Variants in BRCC3 observed in about 807,000 individuals in gnomAD.
BRCC3 encodes lys-63-specific deubiquitinase BRCC36.
BRCC3 carries 15 observed loss-of-function variants against 28.0 expected under a neutral mutation model. The observed-to-expected ratio is 0.54, with a 90% CI of 0.36 to 0.82. The LOEUF is 0.82. Ranked by LOEUF, BRCC3 falls within the 40% of genes least tolerant of loss-of-function variation. The pLI is 0.01. For synonymous variants in BRCC3, 66 were observed against 80.3 expected (o/e 0.82, Z 0.95); for missense variants, 109 against 225.9 (o/e 0.48, Z 3.32).
intron 7 of BRCC3, among the ~76,000 whole-genome samples, chrX:155,095,708 T>C (rs2084409): frequency 0.36 from 39,887 of 110,759 alleles, 6,058 homozygotes; most frequent in African/African-American, 0.58. Flanking sequence ...ACCACTCACT[T>C]AATTGCTCAC....
intron 5 of BRCC3, among the ~76,000 whole-genome samples, chrX:155,086,837 C>T (rs1303944377): frequency 1.8e-5 from 2 of 112,090 alleles, no homozygotes; most frequent in Non-Finnish European, 3.8e-5. Context: ...CGTTCTTATC[C>T]ATTATATCCC....
intron 1 of BRCC3, among the ~76,000 whole-genome samples, chrX:155,072,109 G>A (rs1428558150): frequency 2.7e-5 from 3 of 112,145 alleles, no homozygotes; most frequent in African/African-American, 9.7e-5. Context: ...AACAGAAGGT[G>A]CGGGGCTTGA....
At chrX:155,090,579 T>C (rs2074167547) in intron 6 of BRCC3, among the ~76,000 whole-genome samples, 1 of 112,109 alleles carries the variant, frequency 8.9e-6, no homozygotes, top group African/African-American at 3.2e-5. Context: ...TTGTTAACAA[T>C]TCCCTGCTGT....
intron 7 of BRCC3, chrX:155,099,177 T>G: frequency 1.4e-6 from 1 of 714,128 alleles, no homozygotes. Context: ...AGAAATAAAA[T>G]TAGAAATGTT....
At chrX:155,090,319 A>G (rs1458252716) in intron 6 of BRCC3, among the ~76,000 whole-genome samples, 3 of 112,619 alleles carry the variant, frequency 2.7e-5, no homozygotes, top group African/African-American at 9.7e-5. Context: ...AAGAATACCA[A>G]TAGTGTCTTA....
chrX:155,089,408 CT>C, intron 6 of BRCC3, 57 bp downstream of exon 6: 1 of 731,335 alleles, frequency 1.4e-6, no homozygotes, highest in Non-Finnish European at 2.0e-6. Flanking sequence ...GTGTGTGTGT[CT>C]ACACACAGAG....
At chrX:155,085,636 G>C (rs782317225) in intron 5 of BRCC3, among the ~76,000 whole-genome samples, 18 of 112,647 alleles carry the variant, frequency 1.6e-4, no homozygotes, top group Non-Finnish European at 9.4e-5. Context: ...ATCCTGAAGA[G>C]TTTGGTTACA....
chrX:155,104,705 C>G (rs2074267287), intron 7 of BRCC3, among the ~76,000 whole-genome samples: 1 of 113,057 alleles, frequency 8.8e-6, no homozygotes, highest in Non-Finnish European at 1.9e-5. Flanking sequence ...TGTGCTTCAG[C>G]TGGGAAACTT....
At chrX:155,080,132 C>G (rs1557294034) in intron 5 of BRCC3, among the ~76,000 whole-genome samples, 1 of 111,386 alleles carries the variant, frequency 9.0e-6, no homozygotes, top group African/African-American at 3.3e-5. Context: ...ACACTGAAAT[C>G]AGATTGGCCT....
intron 5 of BRCC3, among the ~76,000 whole-genome samples, chrX:155,087,206 C>G (rs1310482253): frequency 9.0e-6 from 1 of 111,719 alleles, no homozygotes; most frequent in Non-Finnish European, 1.9e-5. Flanking sequence ...GGGGGTACAT[C>G]CATTAGGACG....
At chrX:155,100,188 A>T (rs1268817833) in intron 7 of BRCC3, among the ~76,000 whole-genome samples, 1 of 111,395 alleles carries the variant, frequency 9.0e-6, no homozygotes, top group Non-Finnish European at 1.9e-5. Flanking sequence ...GTACCATTTG[A>T]CAGTAAGTTG....
At chrX:155,079,571 C>G (rs2074070651) in intron 5 of BRCC3, among the ~76,000 whole-genome samples, 1 of 111,315 alleles carries the variant, frequency 9.0e-6, no homozygotes, top group African/African-American at 3.3e-5. Flanking sequence ...TTCTCAGAAT[C>G]ACCTGAGAAA....
chrX:155,075,631 T>C (rs1602761527), intron 3 of BRCC3, among the ~76,000 whole-genome samples: 1 of 112,236 alleles, frequency 8.9e-6, no homozygotes, highest in African/African-American at 3.2e-5. Flanking sequence ...TCACCCATGG[T>C]CCATAAGCTA....
At chrX:155,077,801 G>A (rs782116844) in intron 4 of BRCC3, among the ~76,000 whole-genome samples, 1 of 111,949 alleles carries the variant, frequency 8.9e-6, no homozygotes, top group South Asian at 3.7e-4. Flanking sequence ...CGAGTGTCCT[G>A]GCCGGCGCCT....
intron 7 of BRCC3, among the ~76,000 whole-genome samples, chrX:155,115,251 G>T (rs1280318284): frequency 8.9e-6 from 1 of 112,184 alleles, no homozygotes; most frequent in South Asian, 3.7e-4. Flanking sequence ...CTACTTGGGT[G>T]TGGGGAGGGG....
At chrX:155,075,542 ACTTAGAT>A (rs2074032811) in intron 3 of BRCC3, among the ~76,000 whole-genome samples, 2 of 111,553 alleles carry the variant, frequency 1.8e-5, no homozygotes, top group African/African-American at 6.5e-5. Context: ...CCCTTTCTAA[ACTTAGAT>A]CTGCCTCACA....
chrX:155,081,402 G>A, intron 5 of BRCC3, among the ~76,000 whole-genome samples: 1 of 109,653 alleles, frequency 9.1e-6, no homozygotes, highest in Middle Eastern at 4.7e-3. Flanking sequence ...GCCCAACTGA[G>A]CTGGCATTCA....
chrX:155,095,566 G>A (rs782235946), intron 7 of BRCC3, among the ~76,000 whole-genome samples: 2 of 111,867 alleles, frequency 1.8e-5, no homozygotes, highest in East Asian at 2.8e-4. Flanking sequence ...CTCCCAAAGC[G>A]CTGGGATTAT....
intron 3 of BRCC3, among the ~76,000 whole-genome samples, chrX:155,076,569 AG>A (rs1193520455): frequency 1.8e-5 from 2 of 110,451 alleles, no homozygotes; most frequent in Admixed American, 9.6e-5. Context: ...AGAGAGAGTG[AG>A]GGGGGAAGTG....
Sources: allele counts gnomAD v4.1 joint callset (sites outside exome capture counted in the v4.1 genomes callset), GRCh38; gene constraint gnomAD v4.1.1; transcripts MANE v1.5; gene names NCBI Gene and HGNC (gene_info 2026-07-23, HGNC 2026-07-21).